Variants in EMILIN3 observed in about 807,000 individuals in gnomAD.
EMILIN3 encodes elastin microfibril interfacer 3.
Under a neutral mutation model 42.8 loss-of-function variants are expected in EMILIN3, and 38 were observed. The ratio of observed to expected loss-of-function variants is 0.89; its 90% CI spans 0.69 to 1.16. EMILIN3 has a LOEUF of 1.16. Ranked by LOEUF, EMILIN3 falls within the 50% of genes most tolerant of loss-of-function variation. The probability of loss-of-function intolerance (pLI) is 0.00; values close to 1 mark genes in which losing one functional copy is unlikely to be tolerated. For missense variants in EMILIN3, 924 were observed against 999.5 expected, an observed-to-expected ratio of 0.92 and a Z score of 1.02; for synonymous variants, 430 against 440.5, an observed-to-expected ratio of 0.98 and a Z score of 0.30.
Position 41,366,561 on chromosome 20 carries a change from G to A in EMILIN3, c.74C>T (p.Thr25Ile), listed in dbSNP as rs2147037774. Residue 25 changes from threonine to isoleucine, a missense_variant, in exon 1 of 4, where the codon ACC (threonine) becomes ATC (isoleucine). Thr to Ile is a moderately conservative substitution (Grantham distance 89). Coordinates refer to ENST00000332312, the MANE Select transcript of EMILIN3 (RefSeq NM_052846.2). The surrounding 1 kb of genome is among the most constrained non-coding windows in gnomAD (Gnocchi z 4.2). Reference protein sequence around the residue: ...ALLSGAQARGTPLLARPAPPG... With the variant: ...ALLSGAQARGIPLLARPAPPG... ...CGGCGCAGGCCGCGCCAGGAGCGGG[G>A]TGCCCCTGGCCTGCGCCCCCGAGAG... is the stretch of plus-strand genomic sequence containing the variant. The A allele has an allele frequency of 8.8e-7, 1 of 1,139,866 alleles. No homozygotes were observed. The highest frequency in any genetic ancestry group is 4.0e-5 in the South Asian group (1 of 24,834). 70.6% of individuals were successfully genotyped at this position (1,139,866 alleles called of 1,614,324 possible). A position where few individuals can be genotyped will look rare whatever the true frequency, so the allele number is the denominator to read the frequency against.
rs1186919909 is a variant in EMILIN3, at chr20:41,366,547, G to A, written c.88C>T (p.Arg30Trp). The A allele has an allele frequency of 8.7e-7, 1 of 1,145,972 alleles. No homozygotes were observed. Among genetic ancestry groups the A allele is most frequent in the Non-Finnish European group, 1.1e-6 (1 of 934,892 alleles). The allele number at this position is 1,145,972 out of a possible 1,614,324, so 71.0% of individuals were successfully genotyped here. A position where few individuals can be genotyped will look rare whatever the true frequency, so the allele number is the denominator to read the frequency against. The change falls in exon 1 of 4, where the codon CGG becomes TGG. Residue 30 changes from arginine to tryptophan, a missense_variant. Transcript: ENST00000332312. The surrounding 1 kb of genome is among the most constrained non-coding windows in gnomAD (Gnocchi z 4.2). Reference protein sequence around the residue: ...AQARGTPLLARPAPPGASRYS... With the variant: ...AQARGTPLLAWPAPPGASRYS... ...CGGGAGGCACCGGGCGGCGCAGGCC[G>A]CGCCAGGAGCGGGGTGCCCCTGGCC...
chr20:41,362,982 G>A lies in EMILIN3; in HGVS notation c.587C>T (p.Thr196Ile), dbSNP rs757550461. The change falls in exon 4 of 4, where the codon ACA (threonine) becomes ATA (isoleucine). Residue 196 changes from threonine to isoleucine, a missense_variant. Transcript: ENST00000332312. Reference sequence around the variant, plus strand: ...CACCAGGCCACTGAGGGTACCATATGTTTGAGCCAGGCGCTGGACATCACC... The same window carrying A: ...CACCAGGCCACTGAGGGTACCATATATTTGAGCCAGGCGCTGGACATCACC... Reference protein sequence around the residue: ...LEGDVQRLAQTYGTLSGLVAS... With the variant: ...LEGDVQRLAQIYGTLSGLVAS... 6.2e-7 allele frequency: 1 copy of A among 1,612,198 alleles called. No individual in the cohort carries two copies. Among genetic ancestry groups the A allele is most frequent in the South Asian group, 1.1e-5 (1 of 91,044 alleles).
chr20:41,366,045 G>A lies in EMILIN3; in HGVS notation c.167+423C>T, dbSNP rs778542591. 2.6e-5 allele frequency among the ~76,000 whole-genome samples: 4 copies of A among 152,190 alleles called. No homozygotes were observed. The highest frequency in any genetic ancestry group is 1.9e-4 in the East Asian group (1 of 5,180). On this transcript the variant is annotated intron_variant, in intron 1 of 3. Transcript: ENST00000332312. This position sits in a 1 kb window ranked among gnomAD's most constrained non-coding sequence, Gnocchi z 4.2. Reference sequence around the variant, plus strand: ...GAGAGGGCAGCGGCCGCCCGGATGCGCAGCTCTATCTCCTACCTGGCCGGG... The same window carrying A: ...GAGAGGGCAGCGGCCGCCCGGATGCACAGCTCTATCTCCTACCTGGCCGGG...
In EMILIN3 at chr20:41,361,556, C is replaced by A. The variant is rs887762814; in HGVS notation, c.2013G>T (p.Gly671=). The A allele has an allele frequency of 6.2e-7, 1 of 1,611,460 alleles. No homozygotes were observed. The highest frequency in any genetic ancestry group is 1.7e-5 in the Admixed American group (1 of 59,890). The change falls in exon 4 of 4, where the codon GGG becomes GGT. Residue 671 remains glycine (G), a synonymous_variant. Coordinates refer to ENST00000332312, the MANE Select transcript of EMILIN3 (RefSeq NM_052846.2). The part of the protein sequence containing the change: ...LKAGVAKVAS[G]LSRCQDTAQK... ...GGGCTGTGTCCTGGCAGCGGCTCAGCCCACTGGCCACCTTGGCCACACCAG... is the reference window on the plus strand; with the variant it reads ...GGGCTGTGTCCTGGCAGCGGCTCAGACCACTGGCCACCTTGGCCACACCAG...
intron 1 of EMILIN3, 74 bp from the exon 2 acceptor site, chr20:41,365,231 A>G: frequency 6.4e-7 from 1 of 1,569,560 alleles, no homozygotes; most frequent in African/African-American, 1.4e-5. Flanking sequence ...TCCCACCTCC[A>G]TCTGTGGGCC....
rs1332202384 is a variant in EMILIN3, at chr20:41,362,445, C to G, written c.1124G>C (p.Gly375Ala). The G allele has an allele frequency of 1.2e-6, 2 of 1,600,260 alleles. No homozygotes were observed. Among genetic ancestry groups the G allele is most frequent in the Non-Finnish European group, 1.7e-6 (2 of 1,179,792 alleles). ...GCTGCCCCTGCCAGACACGCTCAGG[C>G]CCTGCAGCTGGCTGCCCAGCTGTGA... ...ELSQLGSQLQ[G>A]LSVSGRGSCC... Residue 375 changes from glycine (G) to alanine (A), a missense_variant, in exon 4 of 4, where the codon GGC becomes GCC. Physicochemically the swap from Gly to Ala is moderately conservative, Grantham distance 60. Transcript: ENST00000332312.
At position 41,361,472 on chromosome 20, in the gene EMILIN3, C is replaced by A; in HGVS notation, c.2097G>T (p.Ala699=). ...FDQRVAQVEG[A]CRRLGLLAAG... ...CGGCCAGCAGGCCCAGCCTCCTGCA[C>A]GCACCCTCCACTTGTGCCACCCGCT... Residue 699 remains alanine (A), a synonymous_variant, in exon 4 of 4, where the codon GCG becomes GCT. Transcript: ENST00000332312. The A allele has an allele frequency of 6.2e-7, 1 of 1,607,872 alleles. No individual in the cohort carries two copies. The highest frequency in any genetic ancestry group is 8.5e-7 in the Non-Finnish European group (1 of 1,176,236).
At position 41,366,380 on chromosome 20, in the gene EMILIN3, ACG is replaced by A; in HGVS notation, c.167+86_167+87del. On this transcript the variant is annotated intron_variant, in intron 1 of 3. Coordinates refer to ENST00000332312, the MANE Select transcript of EMILIN3 (RefSeq NM_052846.2). This position sits in a 1 kb window ranked among gnomAD's most constrained non-coding sequence, Gnocchi z 4.2. ...CGGCCTCGGGGTGCCCGGGGCCTCG[ACG>A]CCCCCCGCGGGTGCGGGCAGGTGGG... 1.0e-6 allele frequency: 1 copy of A among 1,000,850 alleles called. No homozygotes were observed. The highest frequency in any genetic ancestry group is 1.2e-6 in the Non-Finnish European group (1 of 822,848). 62.0% of individuals were successfully genotyped at this position (1,000,850 alleles called of 1,614,324 possible).
chr20:41,362,904 A>C lies in EMILIN3; in HGVS notation c.665T>G (p.Val222Gly), dbSNP rs1052428390. 3.1e-6 allele frequency: 5 copies of C among 1,613,526 alleles called. No individual in the cohort carries two copies. The African/African-American group carries it at 6.7e-5, about 22-fold the overall frequency. ...AGGGATGACCCCAAAGCCCACAGGG[A>C]CAGCAGGAGCCCTGGGGCCACCAGT... is the stretch of plus-strand genomic sequence containing the variant. ...RMTGGPRAPA[V>G]PVGFGVIPEG... The change falls in exon 4 of 4, where the codon GTC becomes GGC. Residue 222 changes from valine to glycine, a missense_variant. By Grantham distance (109) the Val-to-Gly change is moderately radical. Coordinates refer to ENST00000332312, the MANE Select transcript of EMILIN3 (RefSeq NM_052846.2).
Position 41,363,852 on chromosome 20 carries a change from T to C in EMILIN3, c.300A>G (p.Thr100=), listed in dbSNP as rs1192262006. Residue 100 remains threonine, a synonymous_variant, in exon 3 of 4, where the codon ACA becomes ACG. Transcript: ENST00000332312. ...CAACCTTGTATTTGGGTCTGAGTAC[T>C]GTGCGGTACCTGGGCCAGGGAGGGC... ...PKCPGTVTYR[T]VLRPKYKVGY... is the part of the protein sequence containing the mutation. The C allele has an allele frequency of 1.2e-6, 2 of 1,613,692 alleles. No individual in the cohort carries two copies. Among genetic ancestry groups the C allele is most frequent in the Admixed American group, 3.3e-5 (2 of 60,018 alleles).
rs143512004 is a variant in EMILIN3 at position 41,362,408 on chromosome 20, T to C, written c.1161A>G (p.Gln387=). The part of the protein sequence containing the change: ...SVSGRGSCCG[Q]LALINARMDG... ...CCATACGGGCATTGATCAAGGCTAG[T>C]TGCCCACAGCAGCTGCCCCTGCCAG... The change falls in exon 4 of 4, where the codon CAA becomes CAG. Residue 387 remains glutamine, a synonymous_variant. Coordinates refer to ENST00000332312, the MANE Select transcript of EMILIN3 (RefSeq NM_052846.2). The C allele has an allele frequency of 8.6e-4, 1,380 of 1,602,476 alleles. 2 individuals carry two copies. The highest frequency in any genetic ancestry group is 1.1e-3 in the Non-Finnish European group (1,335 of 1,179,940).
rs796818159 is a variant in EMILIN3 at position 41,366,065 on chromosome 20, G to A, written c.167+403C>T. 7.3e-4 allele frequency among the ~76,000 whole-genome samples: 111 copies of A among 152,312 alleles called. No individual in the cohort carries two copies. The highest frequency in any genetic ancestry group is 2.6e-3 in the African/African-American group (109 of 41,590). On this transcript the variant is annotated intron_variant, in intron 1 of 3. Coordinates refer to ENST00000332312, the MANE Select transcript of EMILIN3 (RefSeq NM_052846.2). This position sits in a 1 kb window ranked among gnomAD's most constrained non-coding sequence, Gnocchi z 4.2. ...GATGCGCAGCTCTATCTCCTACCTGGCCGGGCCAGGGGAGAGAAGGGAGGC... is the reference window on the plus strand; with the variant it reads ...GATGCGCAGCTCTATCTCCTACCTGACCGGGCCAGGGGAGAGAAGGGAGGC...
At position 41,361,554 on chromosome 20, in the gene EMILIN3, A is replaced by G; in HGVS notation, c.2015T>C (p.Leu672Pro). ...CTGGGCTGTGTCCTGGCAGCGGCTC[A>G]GCCCACTGGCCACCTTGGCCACACC... ...KAGVAKVASG[L>P]SRCQDTAQKL... Residue 672 changes from leucine (L) to proline (P), a missense_variant, in exon 4 of 4, where the codon CTG (leucine) becomes CCG (proline). Transcript: ENST00000332312. The G allele has an allele frequency of 1.2e-6, 2 of 1,611,450 alleles. No homozygotes were observed. Among genetic ancestry groups the G allele is most frequent in the Non-Finnish European group, 1.7e-6 (2 of 1,179,728 alleles).
rs2046393990 is a variant in EMILIN3 at position 41,366,394 on chromosome 20, T to C, written c.167+74A>G. ...CCGGGGCCTCGACGCCCCCCGCGGGTGCGGGCAGGTGGGAGCGGCGACGCG... is the reference window on the plus strand; with the variant it reads ...CCGGGGCCTCGACGCCCCCCGCGGGCGCGGGCAGGTGGGAGCGGCGACGCG... On this transcript the variant is annotated intron_variant, in intron 1 of 3. Coordinates refer to ENST00000332312, the MANE Select transcript of EMILIN3 (RefSeq NM_052846.2). The surrounding 1 kb of genome is among the most constrained non-coding windows in gnomAD (Gnocchi z 4.2). The C allele has an allele frequency of 9.6e-7, 1 of 1,045,748 alleles. No individual in the cohort carries two copies. Among genetic ancestry groups the C allele is most frequent in the Non-Finnish European group, 1.2e-6 (1 of 861,190 alleles). 64.8% of individuals were successfully genotyped at this position (1,045,748 alleles called of 1,614,324 possible). A position where few individuals can be genotyped will look rare whatever the true frequency, so the allele number is the denominator to read the frequency against.
Position 41,361,561 on chromosome 20 carries a change from T to A in EMILIN3, c.2008A>T (p.Ser670Cys). The change falls in exon 4 of 4, where the codon AGT (serine) becomes TGT (cysteine). Residue 670 changes from serine to cysteine, a missense_variant. Coordinates refer to ENST00000332312, the MANE Select transcript of EMILIN3 (RefSeq NM_052846.2). The part of the protein sequence containing the change: ...QLKAGVAKVA[S>C]GLSRCQDTAQ... ...GTGTCCTGGCAGCGGCTCAGCCCAC[T>A]GGCCACCTTGGCCACACCAGCCTTG... 2 of 1,611,604 alleles carry A rather than the reference T, an allele frequency of 1.2e-6. No individual in the cohort carries two copies. The highest frequency in any genetic ancestry group is 1.7e-6 in the Non-Finnish European group (2 of 1,179,820).
rs763882899 is a variant in EMILIN3 at position 41,361,961 on chromosome 20, C to T, written c.1608G>A (p.Glu536=). ...TSAILDSLVA[E]VKAWQSRSEA... is the part of the protein sequence containing the mutation. ...CGCTCCGGCTCTGCCAGGCCTTCACCTCTGCCACGAGGCTGTCCAGGATGG... is the reference window on the plus strand; with the variant it reads ...CGCTCCGGCTCTGCCAGGCCTTCACTTCTGCCACGAGGCTGTCCAGGATGG... The change falls in exon 4 of 4, where the codon GAG becomes GAA. Residue 536 remains glutamate, a synonymous_variant. Coordinates refer to ENST00000332312, the MANE Select transcript of EMILIN3 (RefSeq NM_052846.2). The T allele has an allele frequency of 2.5e-6, 4 of 1,612,360 alleles. No individual in the cohort carries two copies. Among genetic ancestry groups the T allele is most frequent in the Middle Eastern group, 1.7e-4 (1 of 6,058 alleles).
Position 41,365,017 on chromosome 20 carries a change from G to C in EMILIN3, c.290+18C>G, listed in dbSNP as rs6102381. 8.1e-6 allele frequency: 13 copies of C among 1,613,202 alleles called. No individual in the cohort carries two copies. The African/African-American group carries it at 9.3e-5, about 12-fold the overall frequency. ...TGTGCCAGGGGATTCCAAGTGTGTA[G>C]GTGAGGAGTGCACTTACGTGACTGT... On this transcript the variant is annotated intron_variant, in intron 2 of 3. Coordinates refer to ENST00000332312, the MANE Select transcript of EMILIN3 (RefSeq NM_052846.2).
At position 41,366,100 on chromosome 20, in the gene EMILIN3, G is replaced by A. The variant is rs1454845096; in HGVS notation, c.167+368C>T. 6.6e-6 allele frequency among the ~76,000 whole-genome samples: 1 copy of A among 152,090 alleles called. No individual in the cohort carries two copies. The highest frequency in any genetic ancestry group is 2.4e-5 in the African/African-American group (1 of 41,442). On this transcript the variant is annotated intron_variant, in intron 1 of 3. Transcript: ENST00000332312. The surrounding 1 kb of genome is among the most constrained non-coding windows in gnomAD (Gnocchi z 4.2). ...GGGAGAGAAGGGAGGCCCGGGGCGG[G>A]GGAGCCCCGCGTGCTCAGCGCGCGG...
chr20:41,361,567 C>A lies in EMILIN3; in HGVS notation c.2002G>T (p.Val668Leu), dbSNP rs1189625565. 1 of 1,611,938 alleles carries A rather than the reference C, an allele frequency of 6.2e-7. No homozygotes were observed. Residue 668 changes from valine (V) to leucine (L), a missense_variant, in exon 4 of 4, where the codon GTG (valine) becomes TTG (leucine). Transcript: ENST00000332312. ...LEQLKAGVAK[V>L]ASGLSRCQDT... The stretch of plus-strand genomic sequence containing the variant: ...TGGCAGCGGCTCAGCCCACTGGCCA[C>A]CTTGGCCACACCAGCCTTGAGTTGC...
Sources: gnomAD v4.1 joint callset for allele counts (sites outside exome capture counted in the v4.1 genomes callset) on GRCh38, gnomAD v4.1.1 for gene constraint, Gnocchi (gnomAD v3.1) non-coding constraint, MANE v1.5 for transcripts, NCBI Gene and HGNC (gene_info 2026-07-23, HGNC 2026-07-21) for gene names.